GOLPH3: variants seen among roughly 807,000 people sequenced by gnomAD.
GOLPH3 encodes golgi phosphoprotein 3.
GOLPH3 carries 14 observed loss-of-function variants against 28.5 expected under a neutral mutation model. That is an observed-to-expected ratio of 0.49 (90% CI 0.32 to 0.77). The LOEUF (loss-of-function observed/expected upper bound fraction) is 0.77. GOLPH3 is among the 30% of genes least tolerant of loss of function. The pLI is 0.03. For missense variants in GOLPH3, 350 were observed against 393.7 expected (o/e 0.89, Z 0.94); for synonymous variants, 158 against 159.2 (o/e 0.99, Z 0.06).
intron 3 of GOLPH3, among the ~76,000 whole-genome samples, chr5:32,132,811 A>G (rs1227829222): frequency 1.3e-5 from 2 of 152,216 alleles, no homozygotes; most frequent in Non-Finnish European, 2.9e-5. Context: ...TGGTATCTTG[A>G]TACTTTCAAT....
intron 1 of GOLPH3, among the ~76,000 whole-genome samples, chr5:32,145,799 GAC>G (rs771606604): frequency 2.6e-5 from 4 of 152,308 alleles, no homozygotes; most frequent in East Asian, 3.9e-4. Flanking sequence ...ATCGCTGAAA[GAC>G]ACATGCTTAA....
chr5:32,166,969 G>T (rs182085344), intron 1 of GOLPH3, among the ~76,000 whole-genome samples: 8 of 151,936 alleles, frequency 5.3e-5, no homozygotes. Flanking sequence ...TGTTAGAAGG[G>T]GGGGGGAGTT....
chr5:32,157,017 A>G (rs1202263851), intron 1 of GOLPH3, among the ~76,000 whole-genome samples: 3 of 152,248 alleles, frequency 2.0e-5, no homozygotes, highest in African/African-American at 7.2e-5. Flanking sequence ...GTAGTAATCA[A>G]GTTATGATTA....
chr5:32,163,597 G>A (rs1746641744), intron 1 of GOLPH3, among the ~76,000 whole-genome samples: 1 of 152,160 alleles, frequency 6.6e-6, no homozygotes, highest in Admixed American at 6.5e-5. Context: ...GAGGTTGCAT[G>A]AGCCAAGATC....
At chr5:32,163,060 A>T (rs1457507474) in intron 1 of GOLPH3, among the ~76,000 whole-genome samples, 1 of 152,248 alleles carries the variant, frequency 6.6e-6, no homozygotes, top group Non-Finnish European at 1.5e-5. Context: ...CCTGGGTGAC[A>T]GAGCGAGACT....
intron 1 of GOLPH3, among the ~76,000 whole-genome samples, chr5:32,150,953 C>T (rs900521754): frequency 1.3e-5 from 2 of 152,098 alleles, no homozygotes; most frequent in Admixed American, 6.6e-5. Context: ...GGATCAATTC[C>T]TTATTATACA....
intron 1 of GOLPH3, among the ~76,000 whole-genome samples, chr5:32,153,587 T>C (rs1312701882): frequency 3.3e-5 from 5 of 152,206 alleles, no homozygotes; most frequent in Non-Finnish European, 7.3e-5. Flanking sequence ...AGTAGTAATG[T>C]TGACATTTTT....
At chr5:32,135,881 T>C (rs1745921789) in intron 2 of GOLPH3, among the ~76,000 whole-genome samples, 195 bp from the exon 3 acceptor site, 1 of 150,244 alleles carries the variant, frequency 6.7e-6, no homozygotes, top group African/African-American at 2.4e-5. Flanking sequence ...AGATTAGATA[T>C]AATAATGAAT....
At chr5:32,140,307 C>A (rs1008654712) in intron 2 of GOLPH3, among the ~76,000 whole-genome samples, 1 of 151,956 alleles carries the variant, frequency 6.6e-6, no homozygotes, top group Non-Finnish European at 1.5e-5. Flanking sequence ...CGTTCAAGAC[C>A]AGCCTGGGCA....
At chr5:32,144,686 T>C (rs963337239) in intron 1 of GOLPH3, among the ~76,000 whole-genome samples, 1 of 152,006 alleles carries the variant, frequency 6.6e-6, no homozygotes, top group Admixed American at 6.6e-5. Context: ...TTCTCAATAA[T>C]AAACAGTATA....
At chr5:32,138,058 C>T (rs1049441407) in intron 2 of GOLPH3, among the ~76,000 whole-genome samples, 5 of 151,910 alleles carry the variant, frequency 3.3e-5, no homozygotes, top group East Asian at 1.9e-4. Context: ...TGCACACCAC[C>T]GCATCCGGGT....
chr5:32,146,638 G>A (rs993138385), intron 1 of GOLPH3, among the ~76,000 whole-genome samples: 1 of 152,144 alleles, frequency 6.6e-6, no homozygotes, highest in Non-Finnish European at 1.5e-5. Flanking sequence ...CAAAAGGTTG[G>A]TAACCCAAAA....
chr5:32,141,460 A>C (rs1240539500), intron 2 of GOLPH3, among the ~76,000 whole-genome samples: 4 of 152,216 alleles, frequency 2.6e-5, no homozygotes, highest in Non-Finnish European at 5.9e-5. Flanking sequence ...CAGGTATCTG[A>C]AAAGTATTCA....
intron 1 of GOLPH3, among the ~76,000 whole-genome samples, chr5:32,165,679 G>A (rs1210936994): frequency 6.6e-6 from 1 of 152,208 alleles, no homozygotes; most frequent in Non-Finnish European, 1.5e-5. Flanking sequence ...GAATGAACTT[G>A]AAGACAGACA....
chr5:32,161,431 A>G (rs1228360815), intron 1 of GOLPH3, among the ~76,000 whole-genome samples: 1 of 150,616 alleles, frequency 6.6e-6, no homozygotes, highest in South Asian at 2.1e-4. Flanking sequence ...CTGAGGAAAA[A>G]AAAAAAAAAA....
chr5:32,161,428 A>G (rs1295445050), intron 1 of GOLPH3, among the ~76,000 whole-genome samples: 6 of 147,446 alleles, frequency 4.1e-5, no homozygotes, highest in African/African-American at 1.3e-4. Flanking sequence ...AAGCTGAGGA[A>G]AAAAAAAAAA....
chr5:32,171,947 T>TA (rs1746846468), intron 1 of GOLPH3, among the ~76,000 whole-genome samples: 2 of 150,190 alleles, frequency 1.3e-5, no homozygotes, highest in South Asian at 4.2e-4. Flanking sequence ...AGATTCCGTC[T>TA]AAAAAAAGAA....
intron 1 of GOLPH3, among the ~76,000 whole-genome samples, chr5:32,170,771 T>TA (rs917055918): frequency 3.9e-4 from 58 of 148,710 alleles, no homozygotes; most frequent in African/African-American, 8.1e-4. Context: ...CTCCATCTCT[T>TA]AAAAAAAAAA....
intron 1 of GOLPH3, among the ~76,000 whole-genome samples, chr5:32,166,556 C>T (rs571413209): frequency 9.9e-5 from 15 of 152,244 alleles, no homozygotes; most frequent in African/African-American, 3.1e-4. Context: ...TGGCTCATGC[C>T]CAGACCTTTG....
Sources: gnomAD v4.1 joint callset for allele counts (sites outside exome capture counted in the v4.1 genomes callset) on GRCh38, gnomAD v4.1.1 for gene constraint, MANE v1.5 for transcripts, NCBI Gene and HGNC (gene_info 2026-07-23, HGNC 2026-07-21) for gene names.